MLXIPL: variants seen among roughly 807,000 people sequenced by gnomAD.
MLXIPL encodes MLX interacting protein like, also known as carbohydrate-responsive element-binding protein.
A neutral mutation model predicts 81.5 loss-of-function variants in MLXIPL; 49 were observed. The observed-to-expected ratio is 0.60, with a 90% CI of 0.48 to 0.76. The LOEUF is 0.76. Ranked by LOEUF, MLXIPL falls within the 30% of genes least tolerant of loss-of-function variation. The pLI is 0.00. For synonymous variants in MLXIPL, 466 were observed against 485.5 expected, an observed-to-expected ratio of 0.96 and a Z score of 0.53; for missense variants, 1,053 against 1,167.0, an observed-to-expected ratio of 0.90 and a Z score of 1.42.
In MLXIPL at chr7:73,624,328, C is replaced by T. The variant is rs782190195; in HGVS notation, c.165G>A (p.Ser55=). 5.0e-6 allele frequency: 8 copies of T among 1,588,296 alleles called. No homozygotes were observed. The highest frequency in any genetic ancestry group is 1.1e-5 in the South Asian group (1 of 87,916). Reference sequence around the variant, plus strand: ...GGGGCAGCGAGTCGCTGTGCGGCGACGACACCATGAAGTGACCGCTGTGGA... The same window carrying T: ...GGGGCAGCGAGTCGCTGTGCGGCGATGACACCATGAAGTGACCGCTGTGGA... ...QVIHSGHFMV[S]SPHSDSLPRR... The change falls in exon 1 of 17, where the codon TCG becomes TCA. Residue 55 remains serine (S), a synonymous_variant. Transcript: ENST00000313375.
the MLXIPL span, among the ~76,000 whole-genome samples, chr7:73,637,535 C>T: frequency 2.0e-5 from 3 of 151,980 alleles, no homozygotes; most frequent in South Asian, 2.1e-4. Flanking sequence ...AGCACTGATA[C>T]GCAAGACAGC....
chr7:73,595,235 G>A (rs1057058967), intron 15 of MLXIPL, among the ~76,000 whole-genome samples: 2 of 152,068 alleles, frequency 1.3e-5, no homozygotes, highest in African/African-American at 4.8e-5. Flanking sequence ...CTTACTGTGT[G>A]CTGAACCATC....
intron 2 of MLXIPL, chr7:73,610,609 G>C (rs1371034078): frequency 6.6e-6 from 1 of 152,438 alleles, no homozygotes; most frequent in African/African-American, 2.4e-5. Context: ...GAGTAGCTGG[G>C]ACTATAGGCA....
rs111735480 is a variant in MLXIPL, at chr7:73,596,147, G to T, written c.2058+6C>A. 1.6e-5 allele frequency: 25 copies of T among 1,611,878 alleles called. No homozygotes were observed. The African/African-American group carries it at 2.9e-4, about 19-fold the overall frequency. Reference sequence around the variant, plus strand: ...TTGGGGGTGCCAGCCTGGGCCCGGGGCTCACCTTGAGGCTGGGCTGGGCAC... The same window carrying T: ...TTGGGGGTGCCAGCCTGGGCCCGGGTCTCACCTTGAGGCTGGGCTGGGCAC... On this transcript the variant is annotated splice_donor_region_variant and intron_variant, in intron 13 of 16. Coordinates refer to ENST00000313375, the MANE Select transcript of MLXIPL (RefSeq NM_032951.3). This position sits in a 1 kb window ranked among gnomAD's most constrained non-coding sequence, Gnocchi z 4.7.
At chr7:73,615,518 C>T (rs967067187) in intron 2 of MLXIPL, among the ~76,000 whole-genome samples, 2 of 152,270 alleles carry the variant, frequency 1.3e-5, no homozygotes, top group Admixed American at 6.5e-5. Flanking sequence ...TCTGCTGTGC[C>T]CAGCTTCACA....
chr7:73,619,439 C>T (rs549745154), intron 1 of MLXIPL, among the ~76,000 whole-genome samples: 40 of 145,954 alleles, frequency 2.7e-4, no homozygotes, highest in Admixed American at 1.9e-3. Flanking sequence ...CCAGCCTGGG[C>T]GACAGAGAGC....
upstream of MLXIPL, among the ~76,000 whole-genome samples, chr7:73,629,530 C>G (rs1169644767): frequency 1.3e-5 from 2 of 151,996 alleles, no homozygotes; most frequent in Non-Finnish European, 1.5e-5. Flanking sequence ...CCCAGGGGTT[C>G]GAGACAAGCC....
the MLXIPL span, among the ~76,000 whole-genome samples, chr7:73,638,613 T>TTTTG: frequency 2.9e-4 from 44 of 151,988 alleles, no homozygotes; most frequent in Middle Eastern, 3.4e-3. Flanking sequence ...AACCCAGTAC[T>TTTTG]TTTGTTTGTT....
At chr7:73,626,423 CT>C (rs1358392130), upstream of MLXIPL, among the ~76,000 whole-genome samples, 1 of 152,234 alleles carries the variant, frequency 6.6e-6, no homozygotes, top group Admixed American at 6.5e-5. Flanking sequence ...CCACCTCAGC[CT>C]CCCTAGTAGC....
intron 5 of MLXIPL, chr7:73,606,699 G>A: frequency 2.2e-6 from 1 of 457,550 alleles, no homozygotes; most frequent in South Asian, 2.1e-5. Context: ...GTGCTGGGAT[G>A]ACAGGCGTGA....
intron 1 of MLXIPL, 54 bp from the exon 2 acceptor site, chr7:73,616,231 T>C: frequency 6.9e-7 from 1 of 1,459,428 alleles, no homozygotes; most frequent in Non-Finnish European, 9.6e-7. Context: ...CCACAGAGGC[T>C]GGTCCCCATA....
At chr7:73,629,048 T>G (rs1432481640), upstream of MLXIPL, among the ~76,000 whole-genome samples, 3 of 129,472 alleles carry the variant, frequency 2.3e-5, no homozygotes, top group African/African-American at 8.3e-5. Context: ...TTTTCTTTTC[T>G]TTTTTTTTTT....
At chr7:73,622,614 G>A (rs1796454355) in intron 1 of MLXIPL, among the ~76,000 whole-genome samples, 1 of 152,168 alleles carries the variant, frequency 6.6e-6, no homozygotes, top group Non-Finnish European at 1.5e-5. Context: ...AAAGTGCTGG[G>A]CTTACAGGCA....
intron 2 of MLXIPL, among the ~76,000 whole-genome samples, chr7:73,611,940 C>T (rs1554599817): frequency 6.6e-6 from 1 of 152,118 alleles, no homozygotes; most frequent in African/African-American, 2.4e-5. Flanking sequence ...TCCTTGGGTG[C>T]ATAGACTCCC....
chr7:73,635,722 CT>C, the MLXIPL span, among the ~76,000 whole-genome samples: 2 of 152,164 alleles, frequency 1.3e-5, no homozygotes, highest in Non-Finnish European at 2.9e-5. Flanking sequence ...ATCCATCCCC[CT>C]CTCTATCTAT....
chr7:73,615,921 A>AG, intron 2 of MLXIPL, 150 bp downstream of exon 2: 1 of 643,192 alleles, frequency 1.6e-6, no homozygotes, highest in Middle Eastern at 4.2e-4. Context: ...TCAAAAAAAA[A>AG]AAAAAAAAAA....
upstream of MLXIPL, among the ~76,000 whole-genome samples, chr7:73,627,334 C>T (rs1157420221): frequency 1.1e-4 from 16 of 151,518 alleles, no homozygotes; most frequent in African/African-American, 3.2e-4. Context: ...CTGCAACCTC[C>T]GCCTCCCGGG....
intron 8 of MLXIPL, among the ~76,000 whole-genome samples, chr7:73,599,053 G>A (rs72649013): frequency 9.2e-4 from 138 of 150,774 alleles, no homozygotes; most frequent in Non-Finnish European, 9.0e-4. Context: ...AGGCGACAGA[G>A]TGAGACTCTG....
At position 73,616,080 on chromosome 7, in the gene MLXIPL, ACCAGG is replaced by A. The variant is rs781980317; in HGVS notation, c.386_390del (p.Ala129ValfsTer23). Reference sequence around the variant, plus strand: ...GGTGGTAGCCACTCACACTGGATATACCAGGCCCTCCAGATGGCGTTGTTCAGGCG... The same window carrying A: ...GGTGGTAGCCACTCACACTGGATATACCCTCCAGATGGCGTTGTTCAGGCG... On this transcript the variant is annotated frameshift_variant, in exon 2 of 17. Coordinates refer to ENST00000313375, the MANE Select transcript of MLXIPL (RefSeq NM_032951.3). LOFTEE classifies it high-confidence loss of function. 6.2e-7 allele frequency: 1 copy of A among 1,613,742 alleles called. No homozygotes were observed. Among genetic ancestry groups the A allele is most frequent in the East Asian group, 2.2e-5 (1 of 44,862 alleles).
Sources: allele counts gnomAD v4.1 joint callset (sites outside exome capture counted in the v4.1 genomes callset), GRCh38; gene constraint gnomAD v4.1.1; non-coding constraint Gnocchi (gnomAD v3.1); transcripts MANE v1.5; gene names NCBI Gene and HGNC (gene_info 2026-07-23, HGNC 2026-07-21).